Variants in PDE1C observed in about 807,000 individuals in gnomAD.
PDE1C encodes phosphodiesterase 1C.
PDE1C carries 62 observed loss-of-function variants against 93.1 expected under a neutral mutation model. That is an observed-to-expected ratio of 0.67 (90% CI 0.54 to 0.82). The LOEUF is 0.82. Among genes scored for constraint, PDE1C ranks in the 40% least tolerant of loss-of-function variants. The pLI is 0.00. For synonymous variants in PDE1C, 325 were observed against 310.1 expected (o/e 1.05, Z -0.50); for missense variants, 742 against 884.6 (o/e 0.84, Z 2.04).
intron 16 of PDE1C, among the ~76,000 whole-genome samples, chr7:31,781,816 T>A (rs1435322044): frequency 6.6e-6 from 1 of 152,030 alleles, no homozygotes; most frequent in Non-Finnish European, 1.5e-5. Flanking sequence ...CTAGGTTTAG[T>A]TTCGTGTGAT....
intron 2 of PDE1C, among the ~76,000 whole-genome samples, chr7:31,951,956 A>G (rs1424088126): frequency 6.6e-6 from 1 of 152,198 alleles, no homozygotes; most frequent in Non-Finnish European, 1.5e-5. Flanking sequence ...CAAATTTAGA[A>G]TATTAAAATA....
At chr7:31,739,225 A>ACACG in the PDE1C span, among the ~76,000 whole-genome samples, 2 of 151,204 alleles carry the variant, frequency 1.3e-5, no homozygotes, top group Non-Finnish European at 2.9e-5. Flanking sequence ...ACACACACAC[A>ACACG]CACACACACA....
intron 3 of PDE1C, among the ~76,000 whole-genome samples, chr7:32,092,878 CTT>C (rs58264170): frequency 6.9e-4 from 105 of 151,840 alleles, no homozygotes; most frequent in African/African-American, 2.4e-3. Flanking sequence ...AGCATTATTA[CTT>C]TTTTTTTCCT....
At chr7:32,225,022 TAA>T (rs58376421) in intron 1 of PDE1C, among the ~76,000 whole-genome samples, 3 of 100,826 alleles carry the variant, frequency 3.0e-5, no homozygotes, top group East Asian at 3.0e-4. Context: ...CTTTCTTATT[TAA>T]AAAAAAAAAA....
intron 1 of PDE1C, among the ~76,000 whole-genome samples, chr7:32,069,718 C>A (rs1338118777): frequency 6.6e-6 from 1 of 152,132 alleles, no homozygotes; most frequent in Non-Finnish European, 1.5e-5. Context: ...TGCAAGAAAA[C>A]CCCAATATCG....
the PDE1C span, among the ~76,000 whole-genome samples, chr7:31,620,669 A>G: frequency 0.97 from 138,612 of 142,826 alleles, 67,261 homozygotes; most frequent in East Asian, 0.98. Flanking sequence ...AAAAAACAGA[A>G]CAGAAAAACT....
chr7:32,354,310 A>T (rs1783990655), intron 1 of PDE1C, among the ~76,000 whole-genome samples: 1 of 152,184 alleles, frequency 6.6e-6, no homozygotes, highest in Admixed American at 6.5e-5. Context: ...GTTGACACAC[A>T]GAGATCTCTG....
intron 17 of PDE1C, among the ~76,000 whole-genome samples, chr7:31,772,594 C>T (rs1280685330): frequency 2.0e-5 from 3 of 151,200 alleles, no homozygotes; most frequent in African/African-American, 7.3e-5. Context: ...TATAATTTTA[C>T]CTACCTTGGC....
downstream of PDE1C, among the ~76,000 whole-genome samples, chr7:31,748,442 C>T (rs1260060870): frequency 6.6e-6 from 1 of 152,166 alleles, no homozygotes; most frequent in Non-Finnish European, 1.5e-5. Flanking sequence ...CAAAACAAAG[C>T]ATGCCAGTGA....
intron 3 of PDE1C, among the ~76,000 whole-genome samples, chr7:32,130,240 T>C (rs769826446): frequency 8.5e-5 from 13 of 152,164 alleles, no homozygotes; most frequent in African/African-American, 1.9e-4. Context: ...AAGCTATCTA[T>C]CTACCTTTGG....
upstream of PDE1C, among the ~76,000 whole-genome samples, chr7:32,073,608 C>A (rs1280931682): frequency 6.6e-6 from 1 of 152,118 alleles, no homozygotes; most frequent in African/African-American, 2.4e-5. Flanking sequence ...GGCCAAAATA[C>A]CACAAAACAA....
intron 2 of PDE1C, among the ~76,000 whole-genome samples, chr7:32,036,146 T>C (rs144270822): frequency 0.011 from 1,690 of 152,268 alleles, 21 homozygotes; most frequent in Non-Finnish European, 0.015. Context: ...TTTTCTCCTA[T>C]AAATGGAATT....
chr7:31,725,906 C>A, the PDE1C span, among the ~76,000 whole-genome samples: 3 of 151,880 alleles, frequency 2.0e-5, no homozygotes, highest in Admixed American at 2.0e-4. Context: ...CTTACAGAAG[C>A]AAAGTCTGTT....
intron 17 of PDE1C, among the ~76,000 whole-genome samples, chr7:31,769,207 T>G (rs1384494630): frequency 6.6e-6 from 1 of 152,250 alleles, no homozygotes; most frequent in East Asian, 1.9e-4. Context: ...ATTTTAACTA[T>G]TACATATTGC....
chr7:32,274,551 G>A (rs1187241688), intron 1 of PDE1C, among the ~76,000 whole-genome samples: 1 of 152,084 alleles, frequency 6.6e-6, no homozygotes, highest in Non-Finnish European at 1.5e-5. Flanking sequence ...TATGAAGTGG[G>A]TCTGTGAGAC....
chr7:31,805,395 G>A (rs925347605), intron 16 of PDE1C, among the ~76,000 whole-genome samples: 8 of 151,880 alleles, frequency 5.3e-5, no homozygotes, highest in African/African-American at 1.9e-4. Flanking sequence ...ACCACAGAAA[G>A]TGAAACTGAC....
chr7:32,148,480 T>C (rs1467384959), intron 3 of PDE1C, among the ~76,000 whole-genome samples: 1 of 152,192 alleles, frequency 6.6e-6, no homozygotes, highest in Non-Finnish European at 1.5e-5. Flanking sequence ...TTTCATAAAA[T>C]GGAAATTTGA....
At chr7:31,624,943 C>T in the PDE1C span, among the ~76,000 whole-genome samples, 5 of 152,060 alleles carry the variant, frequency 3.3e-5, no homozygotes, top group Non-Finnish European at 7.4e-5. Flanking sequence ...ACAAACAACC[C>T]CATCAAAAAG....
intron 3 of PDE1C, among the ~76,000 whole-genome samples, chr7:32,158,801 C>G (rs1409775976): frequency 6.6e-6 from 1 of 152,194 alleles, no homozygotes; most frequent in Non-Finnish European, 1.5e-5. Flanking sequence ...AGATGGAGAG[C>G]TCCGAAGATT....
Sources: gnomAD v4.1 joint callset for allele counts (sites outside exome capture counted in the v4.1 genomes callset) on GRCh38, gnomAD v4.1.1 for gene constraint, MANE v1.5 for transcripts, NCBI Gene and HGNC (gene_info 2026-07-23, HGNC 2026-07-21) for gene names.